SAMD12: variants seen among roughly 807,000 people sequenced by gnomAD.
The protein encoded by SAMD12 is sterile alpha motif domain containing 12.
A neutral mutation model predicts 15.0 loss-of-function variants in SAMD12; 9 were observed. The ratio of observed to expected loss-of-function variants is 0.60; its 90% CI spans 0.36 to 1.05. SAMD12 has a LOEUF of 1.05. Among genes scored for constraint, SAMD12 ranks in the 50% least tolerant of loss-of-function variants. The probability of loss-of-function intolerance (pLI) is 0.01; values close to 1 mark genes in which losing one functional copy is unlikely to be tolerated. For missense variants in SAMD12, 230 were observed against 234.2 expected (o/e 0.98, Z 0.12); for synonymous variants, 86 against 90.1 (o/e 0.96, Z 0.25).
the SAMD12 span, among the ~76,000 whole-genome samples, chr8:118,160,301 AT>A: frequency 5.3e-5 from 8 of 152,222 alleles, no homozygotes; most frequent in Non-Finnish European, 1.2e-4. Context: ...AATATTTTTA[AT>A]TTTTTCCAAG....
intron 3 of SAMD12, among the ~76,000 whole-genome samples, chr8:118,424,574 C>A (rs192907670): frequency 6.6e-6 from 1 of 152,064 alleles, no homozygotes; most frequent in African/African-American, 2.4e-5. Context: ...AGTAACATTA[C>A]CCTACAGTTA....
chr8:118,598,676 G>C (rs1370498220), intron 1 of SAMD12, among the ~76,000 whole-genome samples: 1 of 152,046 alleles, frequency 6.6e-6, no homozygotes, highest in African/African-American at 2.4e-5. Context: ...AATCCTTCTG[G>C]GTGAATAGGA....
intron 4 of SAMD12, among the ~76,000 whole-genome samples, chr8:118,210,118 T>C (rs1347904092): frequency 6.6e-6 from 1 of 152,184 alleles, no homozygotes; most frequent in African/African-American, 2.4e-5. Flanking sequence ...GTATTATCTC[T>C]ATTTGGATGA....
At chr8:118,359,820 A>G (rs948937574) in intron 4 of SAMD12, among the ~76,000 whole-genome samples, 2 of 152,236 alleles carry the variant, frequency 1.3e-5, no homozygotes, top group African/African-American at 2.4e-5. Flanking sequence ...AGTGATTATC[A>G]CTGATGTTGC....
chr8:118,165,614 G>GTATA, the SAMD12 span, among the ~76,000 whole-genome samples: 533 of 120,412 alleles, frequency 4.4e-3, 6 homozygotes, highest in African/African-American at 0.012. Context: ...ATATATATAT[G>GTATA]TATATATATA....
chr8:118,390,854 A>ATT (rs143252939), intron 3 of SAMD12, among the ~76,000 whole-genome samples: 1 of 151,562 alleles, frequency 6.6e-6, no homozygotes, highest in African/African-American at 2.4e-5. Flanking sequence ...CTCTATATTG[A>ATT]TTTTTTTTTA....
chr8:118,430,955 TTC>T (rs1044368405), intron 3 of SAMD12, among the ~76,000 whole-genome samples: 125 of 152,312 alleles, frequency 8.2e-4, no homozygotes, highest in African/African-American at 2.7e-3. Context: ...TTGCTCTTGT[TTC>T]TCTCTTTTTT....
chr8:118,548,743 T>C (rs113143737), intron 2 of SAMD12, among the ~76,000 whole-genome samples: 6,871 of 152,262 alleles, frequency 0.045, 498 homozygotes, highest in African/African-American at 0.15. Context: ...ACTCGGGAAG[T>C]GCAAGGGGTC....
At chr8:118,303,663 T>C (rs1330015601) in intron 4 of SAMD12, among the ~76,000 whole-genome samples, 3 of 152,174 alleles carry the variant, frequency 2.0e-5, no homozygotes, top group Non-Finnish European at 4.4e-5. Flanking sequence ...ACGTTGACTT[T>C]TTTTTTTCCT....
At chr8:118,494,538 G>T (rs993817588) in intron 2 of SAMD12, among the ~76,000 whole-genome samples, 3 of 152,138 alleles carry the variant, frequency 2.0e-5, no homozygotes, top group Non-Finnish European at 4.4e-5. Flanking sequence ...ACTGAAATAT[G>T]TACTAAAAAA....
chr8:118,395,531 G>T (rs1414796868), intron 3 of SAMD12, among the ~76,000 whole-genome samples: 1 of 152,018 alleles, frequency 6.6e-6, no homozygotes, highest in Admixed American at 6.6e-5. Flanking sequence ...CAGTGTTCAG[G>T]GACCAAAATG....
At chr8:118,197,546 A>C in exon 5 of SAMD12, 2 of 716,812 alleles carry the variant, frequency 2.8e-6, no homozygotes, top group Middle Eastern at 2.4e-4. Flanking sequence ...AGATTTTTCC[A>C]AAACCCATAA....
intron 3 of SAMD12, among the ~76,000 whole-genome samples, chr8:118,403,223 C>T (rs1820955403): frequency 6.6e-6 from 1 of 152,204 alleles, no homozygotes; most frequent in South Asian, 2.1e-4. Flanking sequence ...ACTGTTGCAA[C>T]TGGGCTAATG....
chr8:118,214,436 T>G (rs1182364473), intron 4 of SAMD12, among the ~76,000 whole-genome samples: 1 of 152,234 alleles, frequency 6.6e-6, no homozygotes, highest in Non-Finnish European at 1.5e-5. Flanking sequence ...TCATAGTGTG[T>G]GCCCTTGGTA....
intron 4 of SAMD12, among the ~76,000 whole-genome samples, chr8:118,258,598 C>G (rs1813006511): frequency 6.6e-6 from 1 of 152,038 alleles, no homozygotes; most frequent in Non-Finnish European, 1.5e-5. Context: ...AGATCATATA[C>G]CTGATCCATT....
intron 4 of SAMD12, among the ~76,000 whole-genome samples, chr8:118,212,312 A>T (rs4876404): frequency 0.51 from 76,874 of 151,250 alleles, 21,132 homozygotes; most frequent in Non-Finnish European, 0.62. Flanking sequence ...AAGTACATTT[A>T]AAAAAAATGT....
At chr8:118,362,694 A>C (rs1362163200) in intron 4 of SAMD12, among the ~76,000 whole-genome samples, 1 of 152,212 alleles carries the variant, frequency 6.6e-6, no homozygotes, top group Non-Finnish European at 1.5e-5. Flanking sequence ...TACTTCTTAC[A>C]TAGCAGATAC....
At chr8:118,543,413 A>G (rs1826037050) in intron 2 of SAMD12, among the ~76,000 whole-genome samples, 1 of 152,154 alleles carries the variant, frequency 6.6e-6, no homozygotes, top group Non-Finnish European at 1.5e-5. Context: ...TTCAAAGCCT[A>G]AAGTGATCAA....
intron 2 of SAMD12, among the ~76,000 whole-genome samples, chr8:118,553,729 A>T (rs1414456135): frequency 1.3e-5 from 2 of 151,668 alleles, no homozygotes; most frequent in Non-Finnish European, 2.9e-5. Context: ...AGAAACTGCC[A>T]TCAGAGTGAA....
Sources: allele counts gnomAD v4.1 joint callset (sites outside exome capture counted in the v4.1 genomes callset), GRCh38; gene constraint gnomAD v4.1.1; transcripts MANE v1.5; gene names NCBI Gene and HGNC (gene_info 2026-07-23, HGNC 2026-07-21).